Variants in DTNB observed in about 807,000 individuals in gnomAD.
The protein encoded by DTNB is DTN-B.
In DTNB, 63 loss-of-function variants were observed where a neutral mutation model predicts 90.7. That is an observed-to-expected ratio of 0.69 (90% CI 0.57 to 0.86). The LOEUF is 0.86. Ranked by LOEUF, DTNB falls within the 40% of genes least tolerant of loss-of-function variation. DTNB has a pLI of 0.00. For missense variants in DTNB, 744 were observed against 807.1 expected, an observed-to-expected ratio of 0.92 and a Z score of 0.95; for synonymous variants, 277 against 286.7, an observed-to-expected ratio of 0.97 and a Z score of 0.34.
chr2:25,625,683 GAT>G (rs894528045), intron 4 of DTNB, among the ~76,000 whole-genome samples: 4 of 150,724 alleles, frequency 2.7e-5, no homozygotes, highest in African/African-American at 9.8e-5. Flanking sequence ...TATGGCCCAG[GAT>G]ATCCTTGTAC....
chr2:25,555,892 T>C (rs992959945), intron 8 of DTNB, among the ~76,000 whole-genome samples: 2 of 152,082 alleles, frequency 1.3e-5, no homozygotes, highest in African/African-American at 4.8e-5. Flanking sequence ...TGGTGGCGTG[T>C]GCCTGTAATC....
At chr2:25,530,327 C>A (rs2077928151) in intron 9 of DTNB, among the ~76,000 whole-genome samples, 2 of 152,204 alleles carry the variant, frequency 1.3e-5, no homozygotes, top group Non-Finnish European at 2.9e-5. Flanking sequence ...GTCCCAGCTA[C>A]TTGTGAGGCT....
chr2:25,433,893 A>G lies in DTNB; in HGVS notation c.1343+17T>C. 2.5e-6 allele frequency: 4 copies of G among 1,613,094 alleles called. No homozygotes were observed. The highest frequency in any genetic ancestry group is 2.5e-6 in the Non-Finnish European group (3 of 1,179,284). ...AATCCTGGACTCTGGAAGTGGGCTC[A>G]GCCTCTGCGTTCTTACCTGTTTTTG... On this transcript the variant is annotated intron_variant, in intron 13 of 20. Coordinates refer to ENST00000406818, the MANE Select transcript of DTNB (RefSeq NM_021907.5).
In DTNB at chr2:25,490,993, T is replaced by C. The variant is rs572227945; in HGVS notation, c.1002-8120A>G. 1.1e-4 allele frequency among the ~76,000 whole-genome samples: 17 copies of C among 152,176 alleles called. No homozygotes were observed. In the East Asian group the frequency reaches 1.4e-3, roughly 12 times the overall value. On this transcript the variant is annotated intron_variant, in intron 9 of 20. Transcript: ENST00000406818. ...TATGGGAAAGTATACTTTCCAACACTTCTCCAACCTTTTCAGTTTAATTTT... is the reference window on the plus strand; with the variant it reads ...TATGGGAAAGTATACTTTCCAACACCTCTCCAACCTTTTCAGTTTAATTTT...
intron 12 of DTNB, among the ~76,000 whole-genome samples, chr2:25,450,305 T>C (rs1471346410): frequency 1.3e-5 from 2 of 152,100 alleles, no homozygotes; most frequent in Admixed American, 6.5e-5. Flanking sequence ...ATAGAAAGAG[T>C]TTCCTTTTCT....
intron 5 of DTNB, among the ~76,000 whole-genome samples, chr2:25,599,421 A>C (rs898524784): frequency 6.6e-5 from 10 of 151,560 alleles, no homozygotes; most frequent in Admixed American, 6.6e-4. Flanking sequence ...GGCTCACTGC[A>C]AGCTCCACCT....
chr2:25,616,301 G>C lies in DTNB; in HGVS notation c.363-8980C>G, dbSNP rs17047106. Among the ~76,000 whole-genome samples the C allele has an allele frequency of 9.4e-3, 1,426 of 151,778 alleles. 15 individuals are homozygous for C. Among genetic ancestry groups the C allele is most frequent in the African/African-American group, 0.032 (1,338 of 41,508 alleles). On this transcript the variant is annotated intron_variant, in intron 4 of 20. Transcript: ENST00000406818. ...CACAATGGATCTTCATGGGTACTAT[G>C]ATATCTTTACTTCTATATATTATAA...
chr2:25,492,110 A>G (rs1644896140), intron 9 of DTNB, among the ~76,000 whole-genome samples: 1 of 152,322 alleles, frequency 6.6e-6, no homozygotes, highest in African/African-American at 2.4e-5. Context: ...CAACAGCATG[A>G]CGTTAGATCA....
At chr2:25,518,163 C>T (rs377004192) in intron 9 of DTNB, among the ~76,000 whole-genome samples, 3 of 151,820 alleles carry the variant, frequency 2.0e-5, no homozygotes, top group South Asian at 2.1e-4. Context: ...GCTTAAAAAC[C>T]GTACACTTAA....
chr2:25,571,915 T>A (rs2059931712), intron 8 of DTNB, among the ~76,000 whole-genome samples: 1 of 152,182 alleles, frequency 6.6e-6, no homozygotes, highest in Non-Finnish European at 1.5e-5. Flanking sequence ...GATGGGCCTA[T>A]ATGACTAGTT....
intron 9 of DTNB, among the ~76,000 whole-genome samples, chr2:25,524,401 C>CTTTT (rs369653199): frequency 8.7e-6 from 1 of 114,658 alleles, no homozygotes; most frequent in Non-Finnish European, 1.8e-5. Flanking sequence ...TCTACCAGAG[C>CTTTT]TTTTTTTTTT....
intron 4 of DTNB, among the ~76,000 whole-genome samples, chr2:25,626,976 C>A (rs1386039330): frequency 6.6e-6 from 1 of 152,242 alleles, no homozygotes; most frequent in Non-Finnish European, 1.5e-5. Context: ...ACAATACCAA[C>A]TCAATTCTCT....
chr2:25,506,831 T>C (rs1057068923), intron 9 of DTNB, among the ~76,000 whole-genome samples: 8 of 152,120 alleles, frequency 5.3e-5, no homozygotes, highest in African/African-American at 1.4e-4. Context: ...TTTAGGAAAA[T>C]TGTTTAGATG....
chr2:25,479,988 T>C (rs1051962778), intron 10 of DTNB, among the ~76,000 whole-genome samples: 2 of 152,088 alleles, frequency 1.3e-5, no homozygotes, highest in African/African-American at 4.8e-5. Context: ...GCCACACAGG[T>C]CTGTCCACAT....
chr2:25,566,353 A>G (rs1572678103), intron 8 of DTNB, among the ~76,000 whole-genome samples: 1 of 152,358 alleles, frequency 6.6e-6, no homozygotes, highest in African/African-American at 2.4e-5. Flanking sequence ...TGATAACTAC[A>G]GCCTCAACTG....
chr2:25,396,029 C>T (rs1419926365), intron 16 of DTNB, among the ~76,000 whole-genome samples: 3 of 152,112 alleles, frequency 2.0e-5, no homozygotes, highest in Non-Finnish European at 4.4e-5. Flanking sequence ...AAATGCCCAT[C>T]AATCAACGAG....
intron 6 of DTNB, 87 bp downstream of exon 6, chr2:25,595,999 A>G: frequency 7.6e-7 from 1 of 1,311,328 alleles, no homozygotes; most frequent in Non-Finnish European, 9.8e-7. Context: ...ACCTTACTAG[A>G]CTGGAAGCAA....
chr2:25,497,714 C>T (rs1398885996), intron 9 of DTNB: 1 of 152,122 alleles, frequency 6.6e-6, no homozygotes. Flanking sequence ...CAGGGTAGTC[C>T]CATCATGAGA....
chr2:25,482,934 G>A (rs903349779), intron 9 of DTNB, 61 bp from the exon 10 acceptor site: 14 of 1,494,678 alleles, frequency 9.4e-6, no homozygotes, highest in Middle Eastern at 1.8e-4. Context: ...CAAGGGAAAC[G>A]ACGATAAGCA....
Sources: allele counts gnomAD v4.1 joint callset (sites outside exome capture counted in the v4.1 genomes callset), GRCh38; gene constraint gnomAD v4.1.1; transcripts MANE v1.5; gene names NCBI Gene and HGNC (gene_info 2026-07-23, HGNC 2026-07-21).